The following CCDC148 variants were observed in gnomAD, a reference collection of about 807,000 sequenced individuals.
CCDC148 encodes coiled-coil domain containing 148.
CCDC148 carries 89 observed loss-of-function variants against 85.7 expected under a neutral mutation model. That is an observed-to-expected ratio of 1.04 (90% CI 0.87 to 1.24). The LOEUF is 1.24. Ranked by LOEUF, CCDC148 falls within the 50% of genes most tolerant of loss-of-function variation. The pLI is 0.00. For synonymous variants in CCDC148, 230 were observed against 213.9 expected, an observed-to-expected ratio of 1.08 and a Z score of -0.66; for missense variants, 692 against 671.7, an observed-to-expected ratio of 1.03 and a Z score of -0.33.
chr2:158,427,741 A>G (rs774891063), intron 1 of CCDC148, among the ~76,000 whole-genome samples: 2 of 152,088 alleles, frequency 1.3e-5, no homozygotes, highest in Non-Finnish European at 2.9e-5. Flanking sequence ...GTGGTAGCAC[A>G]TGCCTATAAT....
chr2:158,250,805 C>A lies in CCDC148; in HGVS notation c.1218G>T (p.Lys406Asn). 6.3e-7 allele frequency: 1 copy of A among 1,593,826 alleles called. No homozygotes were observed. The change falls in exon 10 of 14, where the codon AAG becomes AAT. Residue 406 changes from lysine to asparagine, a missense_variant. Transcript: ENST00000283233. ...EEEKEKLWKK[K>N]ELLQRAEKKK... ...TCTTCTCTGCTCTTTGCAACAATTCCTTCTTCTTCCACAGTTTCTCTTTCT... is the reference window on the plus strand; with the variant it reads ...TCTTCTCTGCTCTTTGCAACAATTCATTCTTCTTCCACAGTTTCTCTTTCT...
At chr2:158,269,141 A>AT (rs899413003) in intron 9 of CCDC148, among the ~76,000 whole-genome samples, 54 of 152,154 alleles carry the variant, frequency 3.5e-4, no homozygotes, top group African/African-American at 1.3e-3. Context: ...CACCTATACC[A>AT]TTTTTTTCAT....
intron 9 of CCDC148, among the ~76,000 whole-genome samples, chr2:158,277,524 C>A (rs1385639662): frequency 6.6e-6 from 1 of 152,170 alleles, no homozygotes; most frequent in Admixed American, 6.5e-5. Context: ...TACTAAATGC[C>A]AGGAACTACA....
intron 1 of CCDC148, among the ~76,000 whole-genome samples, chr2:158,396,745 T>C (rs750525197): frequency 5.3e-5 from 8 of 152,068 alleles, no homozygotes; most frequent in Non-Finnish European, 7.4e-5. Context: ...TCATACTTTG[T>C]TGTAAAAAGG....
In CCDC148 at chr2:158,443,515, A is replaced by AGAAAAG. The variant is rs1553524475; in HGVS notation, c.25+12899_25+12900insCTTTTC. On this transcript the variant is annotated intron_variant, in intron 1 of 13. Coordinates refer to ENST00000283233, the MANE Select transcript of CCDC148 (RefSeq NM_138803.4). ...CAAGTCTATCTCAAAAAAAAAAAAAAAAAAAAAAGAAAAGGAAAAAAAGTG... is the reference window on the plus strand; with the variant it reads ...CAAGTCTATCTCAAAAAAAAAAAAAAGAAAAGAAAAAAAAGAAAAGGAAAAAAAGTG... 1.8e-4 allele frequency among the ~76,000 whole-genome samples: 18 copies of AGAAAAG among 100,902 alleles called. 1 individual carries two copies. The highest frequency in any genetic ancestry group is 1.2e-3 in the East Asian group (4 of 3,282). 66.2% of individuals were successfully genotyped at this position (100,902 alleles called of 152,430 possible).
chr2:158,210,864 CAGGAGAA>C (rs1686534804), intron 11 of CCDC148, among the ~76,000 whole-genome samples: 1 of 143,494 alleles, frequency 7.0e-6, no homozygotes, highest in Admixed American at 7.2e-5. Context: ...GAGGCTGAGA[CAGGAGAA>C]TGGCGTGAAT....
At chr2:158,280,205 G>A (rs551701616) in intron 9 of CCDC148, among the ~76,000 whole-genome samples, 1 of 152,352 alleles carries the variant, frequency 6.6e-6, no homozygotes. Context: ...AGACTTGGAA[G>A]AAACTGCATC....
intron 9 of CCDC148, among the ~76,000 whole-genome samples, chr2:158,285,691 C>T (rs532759430): frequency 5.3e-5 from 8 of 151,706 alleles, no homozygotes; most frequent in South Asian, 4.2e-4. Flanking sequence ...CCACCACGCC[C>T]GGCTAATTTT....
intron 7 of CCDC148, among the ~76,000 whole-genome samples, chr2:158,329,294 T>C (rs991707713): frequency 2.0e-5 from 3 of 152,358 alleles, no homozygotes; most frequent in African/African-American, 7.2e-5. Context: ...TTGCTTGTTT[T>C]TCTCAGATTT....
intron 1 of CCDC148, among the ~76,000 whole-genome samples, chr2:158,449,177 A>G (rs921688470): frequency 7.2e-5 from 11 of 152,140 alleles, no homozygotes; most frequent in African/African-American, 2.7e-4. Flanking sequence ...AGCATATAAA[A>G]ATACAACTGA....
In CCDC148 at chr2:158,309,462, G is replaced by A. The variant is rs368760302; in HGVS notation, c.1081C>T (p.Gln361Ter). 1.2e-6 allele frequency: 2 copies of A among 1,614,064 alleles called. No individual in the cohort carries two copies. The highest frequency in any genetic ancestry group is 2.2e-5 in the East Asian group (1 of 44,860). The change falls in exon 9 of 14, where the codon CAG (glutamine) becomes TAG (stop). Residue 361 changes from glutamine (Q) to a stop codon, truncating the protein, a stop_gained. Transcript: ENST00000283233. LOFTEE classifies it high-confidence loss of function. ...GCTTTCAGATCAGCACACAATTCCT[G>A]TTGCTTTTTCTTGTCCTTAGCCAAC... ...SMLAKDKKKQ[Q>*]ELCADLKAKV...
At chr2:158,177,295 TGAAAA>T (rs1684638212) in intron 12 of CCDC148, among the ~76,000 whole-genome samples, 1 of 152,030 alleles carries the variant, frequency 6.6e-6, no homozygotes, top group Admixed American at 6.6e-5. Context: ...TGCATCTTAA[TGAAAA>T]GAAGTCACTA....
chr2:158,313,997 G>T, intron 7 of CCDC148, 103 bp from the exon 8 acceptor site: 2 of 1,167,568 alleles, frequency 1.7e-6, no homozygotes, highest in South Asian at 1.7e-5. Flanking sequence ...GAAGCAAAAC[G>T]AGGTTTCTGT....
chr2:158,448,371 G>A (rs1239847176), intron 1 of CCDC148, among the ~76,000 whole-genome samples: 1 of 150,378 alleles, frequency 6.6e-6, no homozygotes, highest in East Asian at 1.9e-4. Context: ...TTTTTGAGAT[G>A]GGGTCTCATT....
At chr2:158,189,277 T>G (rs1161893338) in intron 11 of CCDC148, among the ~76,000 whole-genome samples, 1 of 151,848 alleles carries the variant, frequency 6.6e-6, no homozygotes, top group Non-Finnish European at 1.5e-5. Context: ...ATTCATTCCC[T>G]TTTCTGCCTA....
At chr2:158,448,887 G>A (rs1265984731) in intron 1 of CCDC148, among the ~76,000 whole-genome samples, 2 of 152,060 alleles carry the variant, frequency 1.3e-5, no homozygotes, top group Non-Finnish European at 2.9e-5. Context: ...GAGTGCAGTG[G>A]CGCAATCTCA....
intron 11 of CCDC148, among the ~76,000 whole-genome samples, chr2:158,217,293 T>C (rs1249716449): frequency 6.7e-6 from 1 of 148,170 alleles, no homozygotes; most frequent in Admixed American, 6.8e-5. Flanking sequence ...GTTCAACCTA[T>C]CATTTTATTT....
intron 9 of CCDC148, among the ~76,000 whole-genome samples, chr2:158,297,183 C>A (rs1691229388): frequency 6.6e-6 from 1 of 152,134 alleles, no homozygotes; most frequent in Non-Finnish European, 1.5e-5. Context: ...AAACTGGACA[C>A]CCAAGTTCCT....
At chr2:158,383,186 G>A (rs1370213962) in intron 1 of CCDC148, among the ~76,000 whole-genome samples, 3 of 151,624 alleles carry the variant, frequency 2.0e-5, no homozygotes, top group Admixed American at 6.6e-5. Context: ...GCATGGTGAC[G>A]TATGTCTATA....
Sources: gnomAD v4.1 joint callset for allele counts (sites outside exome capture counted in the v4.1 genomes callset) on GRCh38, gnomAD v4.1.1 for gene constraint, MANE v1.5 for transcripts, NCBI Gene and HGNC (gene_info 2026-07-23, HGNC 2026-07-21) for gene names.